SEC31A: variants seen among roughly 807,000 people sequenced by gnomAD.
The protein encoded by SEC31A is SEC31 homolog A, COPII component.
A neutral mutation model predicts 151.0 loss-of-function variants in SEC31A; 70 were observed. That is an observed-to-expected ratio of 0.46 (90% CI 0.38 to 0.57). The LOEUF is 0.57. Among genes scored for constraint, SEC31A ranks in the 20% least tolerant of loss-of-function variants. SEC31A has a pLI of 0.00. For synonymous variants in SEC31A, 475 were observed against 505.9 expected (o/e 0.94, Z 0.82); for missense variants, 1,330 against 1,471.2 (o/e 0.90, Z 1.57).
In SEC31A at chr4:82,844,519, A is replaced by C. The variant is rs757983436; in HGVS notation, c.2503-10T>G. ...GTGGAGGATTTTCTCCCTAAGAAAC[A>C]AGAACATGGTAAGAAGGCGGATACA... is the stretch of plus-strand genomic sequence containing the variant. On this transcript the variant is annotated splice_polypyrimidine_tract_variant and intron_variant, in intron 20 of 26. Coordinates refer to ENST00000395310, the MANE Select transcript of SEC31A (RefSeq NM_001077207.4). The C allele has an allele frequency of 6.8e-6, 11 of 1,612,792 alleles. No homozygotes were observed. The highest frequency in any genetic ancestry group is 5.0e-5 in the Admixed American group (3 of 59,968).
At chr4:82,851,386 G>T in intron 19 of SEC31A, 45 bp downstream of exon 19, 2 of 1,494,266 alleles carry the variant, frequency 1.3e-6, no homozygotes, top group South Asian at 1.2e-5. Context: ...TTATCTACTG[G>T]ACTCACCTTA....
intron 8 of SEC31A, among the ~76,000 whole-genome samples, chr4:82,868,373 C>T (rs1468729161): frequency 1.3e-5 from 2 of 152,002 alleles, no homozygotes; most frequent in African/African-American, 4.8e-5. Flanking sequence ...CGGTGCTGCA[C>T]GCCTGTAGTC....
At chr4:82,891,851 A>G (rs1306646289), upstream of SEC31A, among the ~76,000 whole-genome samples, 1 of 152,232 alleles carries the variant, frequency 6.6e-6, no homozygotes, top group African/African-American at 2.4e-5. Flanking sequence ...GCCTAAGTGT[A>G]CTTTTAGTTT....
chr4:82,864,267 C>T, intron 11 of SEC31A, 95 bp downstream of exon 11: 1 of 877,726 alleles, frequency 1.1e-6, no homozygotes, highest in Admixed American at 2.4e-5. Context: ...CACACTTTTT[C>T]AATTGTTTCT....
chr4:82,820,083 A>G (rs1423396805), intron 26 of SEC31A, among the ~76,000 whole-genome samples: 2 of 151,686 alleles, frequency 1.3e-5, no homozygotes, highest in Non-Finnish European at 2.9e-5. Flanking sequence ...CATTTTTAAA[A>G]AATGTTTTAA....
chr4:82,867,052 T>A (rs1735572382), intron 9 of SEC31A, 92 bp from the exon 10 acceptor site: 1 of 1,545,044 alleles, frequency 6.5e-7, no homozygotes, highest in Admixed American at 1.9e-5. Context: ...ATCACAATTG[T>A]CCAATTAACC....
At chr4:82,888,909 T>C (rs1371146156) in intron 1 of SEC31A, among the ~76,000 whole-genome samples, 3 of 152,198 alleles carry the variant, frequency 2.0e-5, no homozygotes, top group Non-Finnish European at 4.4e-5. Context: ...TATACAGAGC[T>C]GATCCATAAC....
At chr4:82,854,805 A>C in intron 17 of SEC31A, 98 bp downstream of exon 17, 1 of 1,255,928 alleles carries the variant, frequency 8.0e-7, no homozygotes, top group Middle Eastern at 2.0e-4. Flanking sequence ...TGATTTGTAG[A>C]TTTTAAAAAG....
intron 17 of SEC31A, among the ~76,000 whole-genome samples, chr4:82,854,270 G>A (rs908441251): frequency 2.6e-5 from 4 of 151,714 alleles, no homozygotes; most frequent in South Asian, 2.1e-4. Context: ...GGTTGAGGCA[G>A]GAGAATCACT....
intron 10 of SEC31A, among the ~76,000 whole-genome samples, chr4:82,866,492 A>C (rs575195998): frequency 8.6e-5 from 13 of 151,640 alleles, no homozygotes; most frequent in South Asian, 2.1e-4. Flanking sequence ...AACAAACAAA[A>C]AAATGGAGGA....
chr4:82,862,515 T>G lies in SEC31A; in HGVS notation c.1548+19A>C. ...TAGCCAAAGTTTTAGAAGGTAGCTATTTTTAAAGGCCTTCTTACCACATTG... is the reference window on the plus strand; with the variant it reads ...TAGCCAAAGTTTTAGAAGGTAGCTAGTTTTAAAGGCCTTCTTACCACATTG... On this transcript the variant is annotated intron_variant, in intron 13 of 26. Transcript: ENST00000395310. The G allele has an allele frequency of 1.2e-6, 2 of 1,608,666 alleles. No homozygotes were observed. The highest frequency in any genetic ancestry group is 1.7e-6 in the Non-Finnish European group (2 of 1,175,494).
chr4:82,878,985 A>G, intron 3 of SEC31A, 57 bp from the exon 4 acceptor site: 2 of 1,358,108 alleles, frequency 1.5e-6, no homozygotes, highest in Non-Finnish European at 2.1e-6. Flanking sequence ...ATGTAGACAA[A>G]AAATTGAAAT....
chr4:82,820,861 C>T (rs529206747), intron 26 of SEC31A, among the ~76,000 whole-genome samples, 176 bp downstream of exon 26: 1 of 152,188 alleles, frequency 6.6e-6, no homozygotes, highest in South Asian at 2.1e-4. Flanking sequence ...CACACACACC[C>T]GTATCCCCTT....
At chr4:82,881,339 C>T (rs1739256269) in intron 2 of SEC31A, among the ~76,000 whole-genome samples, 1 of 152,024 alleles carries the variant, frequency 6.6e-6, no homozygotes, top group African/African-American at 2.4e-5. Context: ...GTGGTGGACG[C>T]CTGTAGTCCC....
Position 82,871,592 on chromosome 4 carries a change from A to G in SEC31A, c.782+352T>C, listed in dbSNP as rs1736686694. The G allele has an allele frequency of 2.0e-5, 12 of 594,158 alleles. No individual in the cohort carries two copies. In the South Asian group the frequency reaches 2.3e-4, roughly 11 times the overall value. The allele number at this position is 594,158 out of a possible 1,614,324, so 36.8% of individuals were successfully genotyped here. ...GAAGTTTGAGACCAGCCTGGCCAAC[A>G]TGGTAAAACCCCATCTCTACTAAAA... On this transcript the variant is annotated intron_variant, in intron 7 of 26. Coordinates refer to ENST00000395310, the MANE Select transcript of SEC31A (RefSeq NM_001077207.4).
At chr4:82,864,922 C>T (rs1376748475) in intron 10 of SEC31A, among the ~76,000 whole-genome samples, 1 of 151,890 alleles carries the variant, frequency 6.6e-6, no homozygotes, top group African/African-American at 2.4e-5. Flanking sequence ...ATTACAGGTG[C>T]CGGCCACCAT....
At chr4:82,831,157 TG>T (rs1725853412) in intron 22 of SEC31A, 1 of 161,468 alleles carries the variant, frequency 6.2e-6, no homozygotes, top group South Asian at 1.7e-4. Flanking sequence ...AGAAAGTAAC[TG>T]GTTTTTTGAC....
chr4:82,867,537 A>G (rs1475612253), intron 8 of SEC31A, among the ~76,000 whole-genome samples: 4 of 152,262 alleles, frequency 2.6e-5, no homozygotes, highest in Admixed American at 6.5e-5. Flanking sequence ...TAAAATTTCA[A>G]TCAGATTTGA....
chr4:82,845,015 A>C (rs1213639097), intron 20 of SEC31A, among the ~76,000 whole-genome samples: 2 of 152,220 alleles, frequency 1.3e-5, no homozygotes, highest in Non-Finnish European at 2.9e-5. Flanking sequence ...AAGGAGGGGA[A>C]GGATAAGGAA....
Sources: gnomAD v4.1 joint callset for allele counts (sites outside exome capture counted in the v4.1 genomes callset) on GRCh38, gnomAD v4.1.1 for gene constraint, MANE v1.5 for transcripts, NCBI Gene and HGNC (gene_info 2026-07-23, HGNC 2026-07-21) for gene names.